Variants in DENND2C observed in about 807,000 individuals in gnomAD.
The protein encoded by DENND2C is DENN domain-containing protein 2C.
A neutral mutation model predicts 112.4 loss-of-function variants in DENND2C; 72 were observed. The ratio of observed to expected loss-of-function variants is 0.64; its 90% CI spans 0.53 to 0.78. The LOEUF (loss-of-function observed/expected upper bound fraction) is 0.78. Among genes scored for constraint, DENND2C ranks in the 30% least tolerant of loss-of-function variants. The pLI is 0.00. For synonymous variants in DENND2C, 329 were observed against 381.6 expected, an observed-to-expected ratio of 0.86 and a Z score of 1.61; for missense variants, 992 against 1,113.8, an observed-to-expected ratio of 0.89 and a Z score of 1.56.
In DENND2C at chr1:114,583,324, C is replaced by CAAT. The variant is rs1211325112; in HGVS notation, c.*2273_*2275dup. The CAAT allele has an allele frequency of 2.6e-5, 4 of 152,082 alleles. No homozygotes were observed. Among genetic ancestry groups the CAAT allele is most frequent in the African/African-American group, 9.7e-5 (4 of 41,412 alleles). 9.4% of individuals were successfully genotyped at this position (152,082 alleles called of 1,614,324 possible). A position where few individuals can be genotyped will look rare whatever the true frequency, so the allele number is the denominator to read the frequency against. ...GTTGTAATGACAATACTGTACAAGT[C>CAAT]AATAAACTGTATCACAATACAACTT... On this transcript the variant is annotated 3_prime_UTR_variant, in exon 21 of 21. Transcript: ENST00000393274.
intron 12 of DENND2C, 61 bp from the exon 13 acceptor site, chr1:114,601,646 A>C: frequency 7.1e-7 from 1 of 1,412,860 alleles, no homozygotes; most frequent in Non-Finnish European, 9.9e-7. Context: ...ATTAATACTA[A>C]TTTGGACTAT....
intron 3 of DENND2C, among the ~76,000 whole-genome samples, chr1:114,639,632 CTT>C (rs1280564003): frequency 2.0e-5 from 3 of 149,046 alleles, no homozygotes; most frequent in African/African-American, 4.9e-5. Context: ...TTTATCAGCT[CTT>C]AATTTTCTAT....
chr1:114,614,344 T>C (rs1655900201), intron 8 of DENND2C, among the ~76,000 whole-genome samples: 1 of 152,032 alleles, frequency 6.6e-6, no homozygotes, highest in Non-Finnish European at 1.5e-5. Flanking sequence ...GCATTGTTGA[T>C]ATACAGACAA....
chr1:114,588,240 G>C (rs890463118), intron 18 of DENND2C, among the ~76,000 whole-genome samples: 4 of 152,176 alleles, frequency 2.6e-5, no homozygotes, highest in African/African-American at 9.7e-5. Flanking sequence ...CCACTGGTGA[G>C]AGCCAGCCAA....
intron 2 of DENND2C, among the ~76,000 whole-genome samples, chr1:114,647,664 G>A (rs1336274919): frequency 1.3e-5 from 2 of 151,756 alleles, no homozygotes; most frequent in South Asian, 2.1e-4. Flanking sequence ...CAAGTGATTC[G>A]CCTGCCTCAG....
chr1:114,590,225 A>T (rs1201839557), intron 18 of DENND2C, among the ~76,000 whole-genome samples: 1 of 152,072 alleles, frequency 6.6e-6, no homozygotes, highest in Non-Finnish European at 1.5e-5. Context: ...CTCCATCTCT[A>T]CAAAAAATTA....
chr1:114,633,796 A>G (rs1269175648), intron 3 of DENND2C, among the ~76,000 whole-genome samples: 1 of 152,244 alleles, frequency 6.6e-6, no homozygotes. Context: ...GACTATATCA[A>G]TAATTATACT....
Position 114,625,479 on chromosome 1 carries a change from C to T in DENND2C, c.506G>A (p.Cys169Tyr), listed in dbSNP as rs1656310771. 6.2e-7 allele frequency: 1 copy of T among 1,614,132 alleles called. No individual in the cohort carries two copies. The highest frequency in any genetic ancestry group is 8.5e-7 in the Non-Finnish European group (1 of 1,180,012). ...DKLLNLALEHCDSSEKELNFR... is the reference protein window; with the variant it reads ...DKLLNLALEHYDSSEKELNFR... Reference sequence around the variant, plus strand: ...GTTCAGTTCTTTTTCTGAAGAGTCACAATGTTCTAAAGCCAAATTTAAGAG... The same window carrying T: ...GTTCAGTTCTTTTTCTGAAGAGTCATAATGTTCTAAAGCCAAATTTAAGAG... Residue 169 changes from cysteine (C) to tyrosine (Y), a missense_variant, in exon 4 of 21, where the codon TGT (cysteine) becomes TAT (tyrosine). By Grantham distance (194) the Cys-to-Tyr change is radical. This residue lies in a region of DENND2C where 470 missense variants were observed against 472.7 expected (regional missense o/e 0.99). Transcript: ENST00000393274.
At chr1:114,600,772 G>A (rs185189887) in intron 14 of DENND2C, 48 bp downstream of exon 14, 3 of 1,590,322 alleles carry the variant, frequency 1.9e-6, no homozygotes, top group East Asian at 2.2e-5. Flanking sequence ...ACTAGTGTAA[G>A]TCCTGCTTTT....
At chr1:114,625,055 G>A in intron 4 of DENND2C, 124 bp downstream of exon 4, 1 of 896,960 alleles carries the variant, frequency 1.1e-6, no homozygotes, top group Non-Finnish European at 1.6e-6. Context: ...ATCAACACCT[G>A]CATGTTCAAA....
At chr1:114,627,519 C>T (rs190911692) in intron 3 of DENND2C, among the ~76,000 whole-genome samples, 1 of 151,576 alleles carries the variant, frequency 6.6e-6, no homozygotes, top group Non-Finnish European at 1.5e-5. Flanking sequence ...TAAACCATTC[C>T]TACATACAAA....
rs1370260375 is a variant in DENND2C, at chr1:114,595,787, G to C, written c.2325+45C>G. The C allele has an allele frequency of 5.2e-6, 8 of 1,532,550 alleles. No individual in the cohort carries two copies. In the South Asian group the frequency reaches 7.9e-5, roughly 15 times the overall value. 94.9% of individuals were successfully genotyped at this position (1,532,550 alleles called of 1,614,324 possible). ...ATTGTCTGTCCAATTATCTACAGTA[G>C]ACATTTATCCTAAAACATAAGTAAT... On this transcript the variant is annotated intron_variant, in intron 17 of 20. Transcript: ENST00000393274.
At chr1:114,589,624 T>G (rs1655131436) in intron 18 of DENND2C, among the ~76,000 whole-genome samples, 1 of 151,988 alleles carries the variant, frequency 6.6e-6, no homozygotes, top group Non-Finnish European at 1.5e-5. Context: ...CCCAAAGTGC[T>G]TGAGATCATA....
At chr1:114,639,573 A>G (rs1176104150) in intron 3 of DENND2C, among the ~76,000 whole-genome samples, 1 of 134,098 alleles carries the variant, frequency 7.5e-6, no homozygotes, top group Non-Finnish European at 1.6e-5. Flanking sequence ...CAGGAGGGAG[A>G]CTCCATCTTG....
chr1:114,608,471 AAACT>A (rs1207638934), intron 10 of DENND2C, among the ~76,000 whole-genome samples: 1 of 152,204 alleles, frequency 6.6e-6, no homozygotes, highest in Non-Finnish European at 1.5e-5. Flanking sequence ...AAAATTTAAA[AAACT>A]AACTAGGAAA....
At chr1:114,590,843 G>T (rs764706650) in intron 18 of DENND2C, among the ~76,000 whole-genome samples, 1 of 151,922 alleles carries the variant, frequency 6.6e-6, no homozygotes, top group African/African-American at 2.4e-5. Context: ...GATTCACTAG[G>T]GTATGTATTT....
intron 2 of DENND2C, among the ~76,000 whole-genome samples, chr1:114,648,870 ACAT>A (rs1296482410): frequency 2.6e-5 from 4 of 152,320 alleles, no homozygotes; most frequent in African/African-American, 9.6e-5. Context: ...AACTTTAATA[ACAT>A]TAAGCTTTTA....
chr1:114,595,104 C>T (rs1402834113), intron 17 of DENND2C, among the ~76,000 whole-genome samples: 1 of 152,208 alleles, frequency 6.6e-6, no homozygotes, highest in African/African-American at 2.4e-5. Flanking sequence ...TTATGTGTGT[C>T]TGTTTCTCCC....
At chr1:114,617,819 T>C (rs1241311913) in intron 8 of DENND2C, among the ~76,000 whole-genome samples, 3 of 152,218 alleles carry the variant, frequency 2.0e-5, no homozygotes, top group Admixed American at 6.5e-5. Context: ...TAATAGTGAT[T>C]CAATTTGTCT....
Sources: allele counts gnomAD v4.1 joint callset (sites outside exome capture counted in the v4.1 genomes callset), GRCh38; gene constraint gnomAD v4.1.1; regional missense constraint gnomAD v4.1.1; transcripts MANE v1.5; gene names NCBI Gene and HGNC (gene_info 2026-07-23, HGNC 2026-07-21).